Variants in RNF212 observed in about 807,000 individuals in gnomAD.
The protein encoded by RNF212 is ring finger protein 212, also known as probable E3 SUMO-protein ligase RNF212.
A neutral mutation model predicts 34.7 loss-of-function variants in RNF212; 33 were observed. The ratio of observed to expected loss-of-function variants is 0.95; its 90% CI spans 0.72 to 1.27. The LOEUF (loss-of-function observed/expected upper bound fraction) is 1.27. Among genes scored for constraint, RNF212 ranks in the 50% most tolerant of loss-of-function variants. RNF212 has a pLI of 0.00. For synonymous variants in RNF212, 140 were observed against 136.1 expected, an observed-to-expected ratio of 1.03 and a Z score of -0.20; for missense variants, 377 against 362.2, an observed-to-expected ratio of 1.04 and a Z score of -0.33.
chr4:1,082,376 G>A (rs1205408717), intron 5 of RNF212, among the ~76,000 whole-genome samples: 1 of 152,174 alleles, frequency 6.6e-6, no homozygotes, highest in Non-Finnish European at 1.5e-5. Context: ...ACGTAAGACT[G>A]GGGGAGCGTG....
intron 2 of RNF212, among the ~76,000 whole-genome samples, chr4:1,103,968 A>C (rs2153062795): frequency 6.6e-6 from 1 of 152,204 alleles, no homozygotes; most frequent in South Asian, 2.1e-4. Flanking sequence ...GGCGTATGTA[A>C]ATGTTCTAGC....
exon 5 of RNF212, chr4:1,056,440 C>T: frequency 4.4e-6 from 4 of 899,684 alleles, no homozygotes; most frequent in Non-Finnish European, 4.0e-6. Context: ...GCAGGTCCCG[C>T]AGGAGGCATG....
chr4:1,063,528 T>C (rs1178031949), intron 3 of RNF212, among the ~76,000 whole-genome samples: 2 of 151,854 alleles, frequency 1.3e-5, no homozygotes, highest in African/African-American at 2.4e-5. Context: ...CTGGCCAACA[T>C]GGTGAAACCC....
Position 1,082,536 on chromosome 4 carries a change from T to C in RNF212, c.363-917A>G, listed in dbSNP as rs545452352. Among the ~76,000 whole-genome samples the C allele has an allele frequency of 1.8e-3, 267 of 152,314 alleles. 1 individual carries two copies. The highest frequency in any genetic ancestry group is 6.1e-3 in the African/African-American group (253 of 41,564). On this transcript the variant is annotated intron_variant, in intron 5 of 9. Coordinates refer to ENST00000433731, the MANE Select transcript of RNF212 (RefSeq NM_001131034.4). ...AGTTTGGGACCAAGCCAGCTAGGAA[T>C]AGGCAGTTGCACAACAGCTCAACCA... is the stretch of plus-strand genomic sequence containing the variant.
At chr4:1,070,175 G>GGCCTGAGTT (rs1718362808), downstream of RNF212, among the ~76,000 whole-genome samples, 1 of 149,714 alleles carries the variant, frequency 6.7e-6, no homozygotes, top group South Asian at 2.1e-4. Context: ...GTGGACGCCT[G>GGCCTGAGTT]GCCTGAGTTG....
intron 8 of RNF212, 45 bp from the exon 9 acceptor site, chr4:1,073,707 G>T: frequency 7.3e-7 from 1 of 1,374,468 alleles, no homozygotes; most frequent in Non-Finnish European, 1.0e-6. Flanking sequence ...CCAATATTGC[G>T]GCTTACGAGA....
intron 1 of RNF212, among the ~76,000 whole-genome samples, chr4:1,110,508 T>C (rs765307544): frequency 7.9e-5 from 12 of 152,166 alleles, no homozygotes; most frequent in African/African-American, 2.4e-5. Flanking sequence ...TGGTGTCTCA[T>C]AGCAAAACGG....
At chr4:1,094,138 C>T (rs1041851036) in intron 3 of RNF212, 19 of 1,203,312 alleles carry the variant, frequency 1.6e-5, no homozygotes, top group Admixed American at 5.7e-5. Context: ...AGGGGTCCAT[C>T]CTCAGTCTCC....
At chr4:1,092,188 G>A (rs149460349) in intron 3 of RNF212, among the ~76,000 whole-genome samples, 1 of 152,320 alleles carries the variant, frequency 6.6e-6, no homozygotes, top group African/African-American at 2.4e-5. Flanking sequence ...CAGCAGACGC[G>A]CCTCATCCCG....
At chr4:1,102,829 G>A (rs960275913) in intron 2 of RNF212, among the ~76,000 whole-genome samples, 1 of 151,734 alleles carries the variant, frequency 6.6e-6, no homozygotes, top group East Asian at 1.9e-4. Context: ...TCCAGCCTAG[G>A]CAACAGAGCG....
intron 4 of RNF212, among the ~76,000 whole-genome samples, chr4:1,057,531 G>A (rs955038270): frequency 1.2e-4 from 18 of 152,132 alleles, no homozygotes; most frequent in Admixed American, 5.9e-4. Context: ...TGTAAATAAA[G>A]TTTTACTGGA....
rs137960323 is a variant in RNF212, at chr4:1,079,668, T to G, written c.485A>C (p.Asp162Ala). ...APDRLESMEV[D>A]LSPSPIRKSE... is the part of the protein sequence containing the mutation. ...TTTTCTAATCGGAGAAGGAGAGAGA[T>G]CAACTTCCATCGACTCCAGTCTGTT... Residue 162 changes from aspartate (D) to alanine (A), a missense_variant, in exon 8 of 10, where the codon GAT becomes GCT. Coordinates refer to ENST00000433731, the MANE Select transcript of RNF212 (RefSeq NM_001131034.4). The G allele has an allele frequency of 6.2e-7, 1 of 1,611,126 alleles. No homozygotes were observed. Among genetic ancestry groups the G allele is most frequent in the Non-Finnish European group, 8.5e-7 (1 of 1,177,502 alleles).
At chr4:1,106,157 G>A (rs551064294) in intron 2 of RNF212, among the ~76,000 whole-genome samples, 8 of 152,154 alleles carry the variant, frequency 5.3e-5, no homozygotes, top group East Asian at 1.9e-4. Context: ...ACCAGCATTC[G>A]GAAGACACTG....
intron 8 of RNF212, among the ~76,000 whole-genome samples, chr4:1,074,113 T>C (rs898589212): frequency 7.9e-5 from 12 of 152,070 alleles, no homozygotes; most frequent in Non-Finnish European, 1.3e-4. Flanking sequence ...TGCCCACCCT[T>C]CACTCTATCC....
At chr4:1,091,038 C>T (rs561964621) in intron 3 of RNF212, among the ~76,000 whole-genome samples, 200 bp from the exon 4 acceptor site, 6 of 152,330 alleles carry the variant, frequency 3.9e-5, no homozygotes, top group African/African-American at 1.4e-4. Flanking sequence ...GCTTAATGGG[C>T]ATGATAGGAA....
At chr4:1,110,158 G>A (rs565441325) in intron 1 of RNF212, among the ~76,000 whole-genome samples, 3 of 152,210 alleles carry the variant, frequency 2.0e-5, no homozygotes, top group East Asian at 1.9e-4. Flanking sequence ...AATCACGTGC[G>A]GCCAAAAGAC....
At chr4:1,079,548 T>G in intron 8 of RNF212, 95 bp downstream of exon 8, 1 of 858,214 alleles carries the variant, frequency 1.2e-6, no homozygotes, top group Non-Finnish European at 2.0e-6. Context: ...GTCTGTCTAC[T>G]GTTGCACGAG....
upstream of RNF212, chr4:1,113,609 T>C: frequency 1.8e-6 from 1 of 544,664 alleles, no homozygotes; most frequent in Non-Finnish European, 3.0e-6. Flanking sequence ...GCACTGGAGC[T>C]CGCGCCCTCC....
chr4:1,061,836 C>G (rs1325663455), intron 3 of RNF212, among the ~76,000 whole-genome samples: 2 of 152,224 alleles, frequency 1.3e-5, no homozygotes, highest in Non-Finnish European at 2.9e-5. Flanking sequence ...ATACAAGAAT[C>G]CAGACTTGCT....
Sources: allele counts gnomAD v4.1 joint callset (sites outside exome capture counted in the v4.1 genomes callset), GRCh38; gene constraint gnomAD v4.1.1; transcripts MANE v1.5; gene names NCBI Gene and HGNC (gene_info 2026-07-23, HGNC 2026-07-21).